Variants in ME3 observed in about 807,000 individuals in gnomAD.
The protein encoded by ME3 is malic enzyme 3.
A neutral mutation model predicts 68.9 loss-of-function variants in ME3; 48 were observed. The ratio of observed to expected loss-of-function variants is 0.70; its 90% CI spans 0.55 to 0.89. ME3 has a LOEUF of 0.89. ME3 is among the 40% of genes least tolerant of loss of function. ME3 has a pLI of 0.00. For missense variants in ME3, 675 were observed against 797.4 expected, an observed-to-expected ratio of 0.85 and a Z score of 1.85; for synonymous variants, 320 against 318.8, an observed-to-expected ratio of 1.00 and a Z score of -0.04.
At chr11:86,477,409 A>G (rs1056363974) in intron 7 of ME3, among the ~76,000 whole-genome samples, 5 of 152,214 alleles carry the variant, frequency 3.3e-5, no homozygotes. Flanking sequence ...ACAAGTTAAT[A>G]TTGTGTGAAG....
rs149906164 is a variant in ME3 at position 86,630,838 on chromosome 11, G to A, written c.183+40924C>T. Among the ~76,000 whole-genome samples, 874 of 152,372 alleles carry A rather than the reference G, an allele frequency of 5.7e-3. 10 individuals are homozygous for A. The highest frequency in any genetic ancestry group is 0.018 in the African/African-American group (748 of 41,592). On this transcript the variant is annotated intron_variant, in intron 2 of 14. Transcript: ENST00000543262. ...GCCTGTGCAGTGCCACACAGAGTAT[G>A]CAGGCAGTGGGGAGGCAGTGAAAGT...
intron 5 of ME3, 118 bp from the exon 6 acceptor site, chr11:86,498,242 G>C: frequency 1.6e-6 from 2 of 1,214,534 alleles, no homozygotes; most frequent in Non-Finnish European, 2.3e-6. Flanking sequence ...TTGCCGGTGT[G>C]AAAGAGCTTG....
intron 2 of ME3, among the ~76,000 whole-genome samples, chr11:86,606,828 C>T (rs1961731266): frequency 6.6e-6 from 1 of 152,048 alleles, no homozygotes; most frequent in African/African-American, 2.4e-5. Context: ...TAATGCTTAC[C>T]CTTCCTGTTT....
chr11:86,598,617 C>G (rs1215237373), intron 2 of ME3, among the ~76,000 whole-genome samples: 1 of 152,042 alleles, frequency 6.6e-6, no homozygotes. Flanking sequence ...CAGCATGCAG[C>G]TGGAGATCTG....
chr11:86,586,744 G>T (rs566336955), intron 2 of ME3, among the ~76,000 whole-genome samples: 9 of 152,140 alleles, frequency 5.9e-5, no homozygotes, highest in Admixed American at 1.3e-4. Flanking sequence ...GGGGAAAACA[G>T]CTCTGAAAAT....
intron 2 of ME3, among the ~76,000 whole-genome samples, chr11:86,655,773 C>T (rs1036225402): frequency 6.6e-6 from 1 of 151,494 alleles, no homozygotes; most frequent in Non-Finnish European, 1.5e-5. Context: ...TAAAGAGCTT[C>T]TGCACAGCAA....
intron 2 of ME3, among the ~76,000 whole-genome samples, chr11:86,632,582 G>A (rs1236992935): frequency 6.6e-6 from 1 of 152,174 alleles, no homozygotes; most frequent in Non-Finnish European, 1.5e-5. Context: ...TGCAAAATGA[G>A]GAATGGCCCT....
In ME3 at chr11:86,498,614, G is replaced by A. The variant is rs187846107; in HGVS notation, c.544-490C>T. ...AAAAATCCGATCTGCAAAGAACAGG[G>A]CTCCTTGTGACATCTTCTAGGATCA... On this transcript the variant is annotated intron_variant, in intron 5 of 14. Transcript: ENST00000543262. Among the ~76,000 whole-genome samples, 27 of 152,282 alleles carry A rather than the reference G, an allele frequency of 1.8e-4. No individual in the cohort carries two copies. In the South Asian group the frequency reaches 4.1e-3, roughly 23 times the overall value.
At chr11:86,563,049 T>C (rs1957314384) in intron 2 of ME3, among the ~76,000 whole-genome samples, 1 of 152,200 alleles carries the variant, frequency 6.6e-6, no homozygotes, top group Non-Finnish European at 1.5e-5. Context: ...ATGTACCACA[T>C]TTTCTTTATC....
At chr11:86,461,402 G>A (rs1356233090) in intron 8 of ME3, among the ~76,000 whole-genome samples, 13 of 152,210 alleles carry the variant, frequency 8.5e-5, no homozygotes, top group Admixed American at 8.5e-4. Context: ...CATGCAAAAT[G>A]TTATTTGGTA....
intron 2 of ME3, among the ~76,000 whole-genome samples, chr11:86,609,803 G>T (rs1389565267): frequency 1.3e-5 from 2 of 152,194 alleles, no homozygotes; most frequent in African/African-American, 2.4e-5. Flanking sequence ...TCAGTTTACT[G>T]ATGTGATGGA....
chr11:86,443,332 T>G (rs1045059157), intron 13 of ME3, among the ~76,000 whole-genome samples: 2 of 152,214 alleles, frequency 1.3e-5, no homozygotes, highest in African/African-American at 4.8e-5. Context: ...GGCTATGTTA[T>G]GTCTTTGTGT....
At chr11:86,467,711 A>ACC (rs1950561898) in intron 7 of ME3, among the ~76,000 whole-genome samples, 1 of 149,990 alleles carries the variant, frequency 6.7e-6, no homozygotes, top group Non-Finnish European at 1.5e-5. Context: ...ACACACACAC[A>ACC]CCCCTTTAAG....
intron 4 of ME3, among the ~76,000 whole-genome samples, chr11:86,509,426 ACACG>A (rs199851182): frequency 0.22 from 30,145 of 138,246 alleles, 3,602 homozygotes; most frequent in Non-Finnish European, 0.3. Flanking sequence ...ACACACACAC[ACACG>A]CATGTGCGAA....
chr11:86,596,473 T>C lies in ME3; in HGVS notation c.184-36650A>G, dbSNP rs189599258. 5.9e-5 allele frequency among the ~76,000 whole-genome samples: 9 copies of C among 152,260 alleles called. No homozygotes were observed. In the East Asian group the frequency reaches 1.2e-3, roughly 20 times the overall value. The stretch of plus-strand genomic sequence containing the variant: ...GCTTTTTCAGTGAAGCCCAGGAAAA[T>C]GTTTAACCAGGAGTACTGGATACTC... On this transcript the variant is annotated intron_variant, in intron 2 of 14. Coordinates refer to ENST00000543262, the Ensembl canonical transcript of ME3.
At chr11:86,447,336 G>T in intron 11 of ME3, 129 bp from the exon 12 acceptor site, 1 of 1,255,068 alleles carries the variant, frequency 8.0e-7, no homozygotes, top group Non-Finnish European at 1.1e-6. Flanking sequence ...TCTGCCACAA[G>T]GACTGAAGGA....
chr11:86,657,181 C>T (rs1344429939), intron 2 of ME3, among the ~76,000 whole-genome samples: 1 of 152,092 alleles, frequency 6.6e-6, no homozygotes, highest in Non-Finnish European at 1.5e-5. Flanking sequence ...ATGTTTATTG[C>T]AGCACTATTC....
At chr11:86,556,163 G>T (rs1451214090) in intron 4 of ME3, among the ~76,000 whole-genome samples, 1 of 152,142 alleles carries the variant, frequency 6.6e-6, no homozygotes, top group East Asian at 1.9e-4. Flanking sequence ...TTCAGTCTTT[G>T]GTATCCAACA....
intron 2 of ME3, among the ~76,000 whole-genome samples, chr11:86,582,606 T>C (rs185248902): frequency 1.3e-5 from 2 of 152,246 alleles, no homozygotes; most frequent in African/African-American, 2.4e-5. Flanking sequence ...TTAGTAAAGA[T>C]AGGACTTTTT....
Sources: allele counts gnomAD v4.1 joint callset (sites outside exome capture counted in the v4.1 genomes callset), GRCh38; gene constraint gnomAD v4.1.1; transcripts MANE v1.5; gene names NCBI Gene and HGNC (gene_info 2026-07-23, HGNC 2026-07-21).